The following TMEM260 variants were observed in gnomAD, a reference collection of about 807,000 sequenced individuals.
TMEM260 encodes protein O-mannosyl-transferase TMEM260.
In TMEM260, 82 loss-of-function variants were observed where a neutral mutation model predicts 88.9. That is an observed-to-expected ratio of 0.92 (90% CI 0.77 to 1.11). The LOEUF is 1.11. Among genes scored for constraint, TMEM260 ranks in the 50% least tolerant of loss-of-function variants. TMEM260 has a pLI of 0.00. For synonymous variants in TMEM260, 314 were observed against 309.3 expected (o/e 1.02, Z -0.16); for missense variants, 902 against 853.4 (o/e 1.06, Z -0.71).
chr14:56,634,457 C>G (rs920901193), intron 13 of TMEM260, among the ~76,000 whole-genome samples: 2 of 152,172 alleles, frequency 1.3e-5, no homozygotes, highest in African/African-American at 4.8e-5. Context: ...TTTAGGAGAA[C>G]AAGTTTATTA....
intron 11 of TMEM260, among the ~76,000 whole-genome samples, chr14:56,622,158 A>G (rs576078990): frequency 6.6e-6 from 1 of 152,068 alleles, no homozygotes; most frequent in Admixed American, 6.5e-5. Flanking sequence ...CCTGGCTAAC[A>G]TGGTGAAACC....
At chr14:56,645,452 A>T (rs1176193137) in intron 15 of TMEM260, among the ~76,000 whole-genome samples, 1 of 148,680 alleles carries the variant, frequency 6.7e-6, no homozygotes, top group Admixed American at 6.7e-5. Context: ...ATGAGAACAC[A>T]TGGACACAGG....
chr14:56,612,076 C>T (rs1363729957), intron 6 of TMEM260, among the ~76,000 whole-genome samples, 169 bp from the exon 7 acceptor site: 2 of 152,148 alleles, frequency 1.3e-5, no homozygotes, highest in Non-Finnish European at 2.9e-5. Flanking sequence ...CACCAAACTC[C>T]CTTGACACGC....
chr14:56,621,572 C>CA lies in TMEM260; in HGVS notation c.1271dup (p.Asn425GlufsTer9). 1 of 1,609,680 alleles carries CA rather than the reference C, an allele frequency of 6.2e-7. No homozygotes were observed. Among genetic ancestry groups the CA allele is most frequent in the Non-Finnish European group, 8.5e-7 (1 of 1,178,374 alleles). On this transcript the variant is annotated frameshift_variant, in exon 11 of 16. Transcript: ENST00000261556. LOFTEE classifies it high-confidence loss of function. ...ACCAACTATGTGATTGATAAGTTCGCAAAGAACCTTCTCACCTCTATGCCT... is the reference window on the plus strand; with the variant it reads ...ACCAACTATGTGATTGATAAGTTCGCAAAAGAACCTTCTCACCTCTATGCCT...
intron 5 of TMEM260, among the ~76,000 whole-genome samples, chr14:56,608,229 T>TA (rs1370884651): frequency 6.6e-5 from 10 of 152,342 alleles, no homozygotes; most frequent in Admixed American, 6.5e-4. Context: ...CCTTGATTCT[T>TA]ATATTCATTC....
chr14:56,633,250 G>A, intron 13 of TMEM260, 79 bp downstream of exon 13: 1 of 1,223,100 alleles, frequency 8.2e-7, no homozygotes. Context: ...ATTTTGAGAT[G>A]CCTTCTAATT....
chr14:56,623,231 G>A (rs1005119000), intron 11 of TMEM260, among the ~76,000 whole-genome samples: 1 of 152,188 alleles, frequency 6.6e-6, no homozygotes, highest in East Asian at 1.9e-4. Context: ...GACGCAGTCT[G>A]GAGATAGGTG....
chr14:56,618,854 T>A, intron 10 of TMEM260, 91 bp downstream of exon 10: 2 of 1,310,288 alleles, frequency 1.5e-6, no homozygotes, highest in Non-Finnish European at 2.1e-6. Flanking sequence ...TGTTAACTTC[T>A]GGTTTTCAAG....
intron 3 of TMEM260, among the ~76,000 whole-genome samples, chr14:56,595,878 C>G (rs1426916912): frequency 6.6e-6 from 1 of 152,078 alleles, no homozygotes; most frequent in Non-Finnish European, 1.5e-5. Context: ...ATTATTACTT[C>G]TATACCCTTG....
In TMEM260 at chr14:56,632,186, C is replaced by A. The variant is rs906029865; in HGVS notation, c.1548-809C>A. Among the ~76,000 whole-genome samples, 3 of 152,338 alleles carry A rather than the reference C, an allele frequency of 2.0e-5. No homozygotes were observed. The East Asian group carries it at 5.8e-4, about 29-fold the overall frequency. On this transcript the variant is annotated intron_variant, in intron 12 of 15. Transcript: ENST00000261556. ...CTTTCTGTGGTCACCCCATTACTTT[C>A]CAGCTTGCTGGGGCCTTCCTTTTTG...
Position 56,647,481 on chromosome 14 carries a change from A to C in TMEM260, c.2108A>C (p.Asn703Thr). 6.3e-7 allele frequency: 1 copy of C among 1,599,498 alleles called. No individual in the cohort carries two copies. ...AGAAAAGAACTGCAAAGTCTGAGAA[A>C]TAGGAAAAATGTCTGAGACAGCAAA... is the stretch of plus-strand genomic sequence containing the variant. Reference protein sequence around the residue: ...HLRKELQSLRNRKNV With the variant: ...HLRKELQSLRTRKNV The change falls in exon 16 of 16, where the codon AAT (asparagine) becomes ACT (threonine). Residue 703 changes from asparagine to threonine, a missense_variant. Physicochemically the swap from Asn to Thr is moderately conservative, Grantham distance 65 (BLOSUM62 0). Transcript: ENST00000261556.
rs533015981 is a variant in TMEM260 at position 56,648,688 on chromosome 14, G to C, written c.*1191G>C. ...TGATCAAAGGTCTCCTGTGGAGCTT[G>C]CATGGTTCCCTTTCATACTACGACC... On this transcript the variant is annotated 3_prime_UTR_variant, in exon 16 of 16. Coordinates refer to ENST00000261556, the MANE Select transcript of TMEM260 (RefSeq NM_017799.4). The C allele has an allele frequency of 7.9e-5, 12 of 152,778 alleles. No homozygotes were observed. The East Asian group carries it at 9.7e-4, about 12-fold the overall frequency. The allele number at this position is 152,778 out of a possible 1,614,324, so 9.5% of individuals were successfully genotyped here.
chr14:56,599,207 A>G (rs1033206999), intron 3 of TMEM260, among the ~76,000 whole-genome samples: 1 of 152,008 alleles, frequency 6.6e-6, no homozygotes, highest in Non-Finnish European at 1.5e-5. Flanking sequence ...ATGATTCATT[A>G]CTTTAACTCC....
chr14:56,662,520 G>T, the TMEM260 span, among the ~76,000 whole-genome samples: 1 of 152,170 alleles, frequency 6.6e-6, no homozygotes. Context: ...ACCGTGGTCA[G>T]GAAGTTACTG....
At chr14:56,633,742 A>T (rs935618727) in intron 13 of TMEM260, among the ~76,000 whole-genome samples, 1 of 152,150 alleles carries the variant, frequency 6.6e-6, no homozygotes, top group Non-Finnish European at 1.5e-5. Context: ...ATAGAAAATG[A>T]GTCACTATCT....
intron 6 of TMEM260, among the ~76,000 whole-genome samples, chr14:56,610,509 G>A (rs564049014): frequency 3.3e-5 from 5 of 152,080 alleles, no homozygotes; most frequent in Middle Eastern, 3.4e-3. Context: ...CCCAAAGTGC[G>A]GGGATTACAG....
intron 8 of TMEM260, among the ~76,000 whole-genome samples, chr14:56,616,492 C>T (rs765144717): frequency 3.3e-5 from 5 of 151,794 alleles, no homozygotes; most frequent in Non-Finnish European, 5.9e-5. Context: ...GTTTTGTTTA[C>T]TTGACACAAA....
rs1890144729 is a variant in TMEM260 at position 56,649,401 on chromosome 14, G to A, written c.*1904G>A. ...AGTTCAGCGTGGTGTAAAAATGTAA[G>A]GAAGCATTGATAAATTGTCTAAGTT... On this transcript the variant is annotated 3_prime_UTR_variant, in exon 16 of 16. Coordinates refer to ENST00000261556, the MANE Select transcript of TMEM260 (RefSeq NM_017799.4). 1 of 152,252 alleles carries A rather than the reference G, an allele frequency of 6.6e-6. No individual in the cohort carries two copies. The highest frequency in any genetic ancestry group is 1.5e-5 in the Non-Finnish European group (1 of 68,016). 9.4% of individuals were successfully genotyped at this position (152,252 alleles called of 1,614,324 possible).
At chr14:56,584,120 A>G (rs993429543) in intron 1 of TMEM260, among the ~76,000 whole-genome samples, 20 of 152,082 alleles carry the variant, frequency 1.3e-4, no homozygotes, top group Admixed American at 5.9e-4. Context: ...GTCTGTTGCC[A>G]TAGTCCAGGC....
Sources: gnomAD v4.1 joint callset for allele counts (sites outside exome capture counted in the v4.1 genomes callset) on GRCh38, gnomAD v4.1.1 for gene constraint, MANE v1.5 for transcripts, NCBI Gene and HGNC (gene_info 2026-07-23, HGNC 2026-07-21) for gene names.